Variants in CNTNAP5 observed in about 807,000 individuals in gnomAD.
The protein encoded by CNTNAP5 is contactin associated protein family member 5.
In CNTNAP5, 72 loss-of-function variants were observed where a neutral mutation model predicts 150.2. That is an observed-to-expected ratio of 0.48 (90% CI 0.40 to 0.58). The LOEUF (loss-of-function observed/expected upper bound fraction) is 0.58. Ranked by LOEUF, CNTNAP5 falls within the 20% of genes least tolerant of loss-of-function variation. CNTNAP5 has a pLI of 0.00. For synonymous variants in CNTNAP5, 672 were observed against 619.8 expected (o/e 1.08, Z -1.25); for missense variants, 1,636 against 1,626.2 (o/e 1.01, Z -0.10).
intron 13 of CNTNAP5, among the ~76,000 whole-genome samples, chr2:124,678,793 C>G (rs1186943872): frequency 2.0e-5 from 3 of 152,036 alleles, no homozygotes; most frequent in African/African-American, 7.2e-5. Context: ...TATTCCAGAT[C>G]CAATTGCCTG....
intron 1 of CNTNAP5, among the ~76,000 whole-genome samples, chr2:124,150,894 G>A (rs1476146220): frequency 6.6e-6 from 1 of 152,142 alleles, no homozygotes; most frequent in Non-Finnish European, 1.5e-5. Flanking sequence ...TCAGCCCCCT[G>A]TCCCTTCTGA....
chr2:124,905,797 T>A (rs1678523570), intron 22 of CNTNAP5, among the ~76,000 whole-genome samples: 1 of 152,116 alleles, frequency 6.6e-6, no homozygotes, highest in Non-Finnish European at 1.5e-5. Flanking sequence ...TAGGCAAGCT[T>A]GAGCCAGTTA....
intron 3 of CNTNAP5, among the ~76,000 whole-genome samples, chr2:124,337,708 G>T (rs766131106): frequency 1.3e-4 from 19 of 152,000 alleles, no homozygotes; most frequent in Non-Finnish European, 1.6e-4. Context: ...ATTTCTGAGG[G>T]TTCTGTTCTG....
At chr2:124,452,394 C>G (rs1558908858) in intron 6 of CNTNAP5, among the ~76,000 whole-genome samples, 1 of 152,054 alleles carries the variant, frequency 6.6e-6, no homozygotes, top group Non-Finnish European at 1.5e-5. Flanking sequence ...CAAGACCTGC[C>G]CAAGTAGAGT....
rs574694643 is a variant in CNTNAP5, at chr2:124,410,804, A to G, written c.382-6639A>G. 5.8e-3 allele frequency among the ~76,000 whole-genome samples: 880 copies of G among 150,456 alleles called. 6 individuals carry two copies. Among genetic ancestry groups the G allele is most frequent in the Non-Finnish European group, 9.5e-3 (641 of 67,200 alleles). On this transcript the variant is annotated intron_variant, in intron 3 of 23. Coordinates refer to ENST00000682447, the MANE Select transcript of CNTNAP5 (RefSeq NM_001367498.1). The stretch of plus-strand genomic sequence containing the variant: ...AAAGATCCAAAATTGACACCCTAAC[A>G]TCACAATTAAAAGAACTAGAAAAGC...
At chr2:124,305,410 G>A (rs887027269) in intron 3 of CNTNAP5, among the ~76,000 whole-genome samples, 3 of 152,208 alleles carry the variant, frequency 2.0e-5, no homozygotes, top group African/African-American at 7.2e-5. Context: ...TGTTTCTCAT[G>A]AGTATTGGCT....
chr2:124,777,163 T>C (rs1446719701), intron 17 of CNTNAP5, among the ~76,000 whole-genome samples: 1 of 149,952 alleles, frequency 6.7e-6, no homozygotes, highest in Non-Finnish European at 1.5e-5. Flanking sequence ...AAAAAAAAGA[T>C]GAAGAACACC....
chr2:124,440,868 G>C (rs1161234270), intron 5 of CNTNAP5, among the ~76,000 whole-genome samples: 1 of 151,868 alleles, frequency 6.6e-6, no homozygotes, highest in Non-Finnish European at 1.5e-5. Context: ...TACGAAATTA[G>C]AAACAAGTTA....
intron 19 of CNTNAP5, among the ~76,000 whole-genome samples, chr2:124,838,478 T>A (rs1242840702): frequency 6.6e-6 from 1 of 152,182 alleles, no homozygotes; most frequent in Non-Finnish European, 1.5e-5. Context: ...GAAAGGGGTG[T>A]CTTATGAAAG....
chr2:124,510,329 A>ATATATATCTATATATC (rs1694544182), intron 8 of CNTNAP5, among the ~76,000 whole-genome samples: 3 of 100,396 alleles, frequency 3.0e-5, no homozygotes, highest in African/African-American at 7.6e-5. Context: ...ATCTATCTAT[A>ATATATATCTATATATC]TATATATCTC....
chr2:124,432,531 T>A (rs1692417504), intron 4 of CNTNAP5, among the ~76,000 whole-genome samples: 1 of 152,182 alleles, frequency 6.6e-6, no homozygotes, highest in African/African-American at 2.4e-5. Context: ...TGTCTGCATT[T>A]GCCATTAGAA....
chr2:124,192,448 C>T (rs1273048853), intron 1 of CNTNAP5, among the ~76,000 whole-genome samples: 1 of 152,102 alleles, frequency 6.6e-6, no homozygotes, highest in African/African-American at 2.4e-5. Flanking sequence ...TCTTTCCATG[C>T]TCCCCATGCC....
chr2:124,842,850 G>A (rs1682971402), intron 19 of CNTNAP5, among the ~76,000 whole-genome samples: 1 of 152,010 alleles, frequency 6.6e-6, no homozygotes, highest in Non-Finnish European at 1.5e-5. Context: ...GTGCAGTGCA[G>A]TTACTGCCTC....
chr2:124,255,009 C>A (rs1390699643), intron 3 of CNTNAP5, among the ~76,000 whole-genome samples: 1 of 152,056 alleles, frequency 6.6e-6, no homozygotes, highest in Non-Finnish European at 1.5e-5. Flanking sequence ...AGAGTTTGTA[C>A]AAAGCTGTGG....
intron 2 of CNTNAP5, among the ~76,000 whole-genome samples, chr2:124,238,509 C>T (rs2104762229): frequency 6.6e-6 from 1 of 152,224 alleles, no homozygotes; most frequent in Non-Finnish European, 1.5e-5. Flanking sequence ...TTTTGTTTGT[C>T]AAACATTTAA....
At chr2:124,778,881 A>G (rs1036913718) in intron 17 of CNTNAP5, among the ~76,000 whole-genome samples, 1 of 152,184 alleles carries the variant, frequency 6.6e-6, no homozygotes. Context: ...AACCTGGAAG[A>G]AAGGGATGTG....
chr2:124,482,541 C>T (rs893631694), intron 7 of CNTNAP5, among the ~76,000 whole-genome samples: 18 of 152,056 alleles, frequency 1.2e-4, no homozygotes, highest in African/African-American at 4.1e-4. Context: ...TGGGCAGATC[C>T]GTGAACAGCA....
chr2:124,513,652 G>T (rs1353521065), intron 8 of CNTNAP5, among the ~76,000 whole-genome samples: 1 of 152,216 alleles, frequency 6.6e-6, no homozygotes, highest in Non-Finnish European at 1.5e-5. Context: ...AGAAGAGTTA[G>T]TAGTGATTTT....
chr2:124,312,504 A>G (rs973869867), intron 3 of CNTNAP5, among the ~76,000 whole-genome samples: 5 of 151,366 alleles, frequency 3.3e-5, no homozygotes, highest in African/African-American at 1.2e-4. Context: ...AGCTGGGATT[A>G]CAGGTGCATG....
Sources: allele counts gnomAD v4.1 joint callset (sites outside exome capture counted in the v4.1 genomes callset), GRCh38; gene constraint gnomAD v4.1.1; transcripts MANE v1.5; gene names NCBI Gene and HGNC (gene_info 2026-07-23, HGNC 2026-07-21).